Variants in PHKB observed in about 807,000 individuals in gnomAD.
PHKB encodes the protein phosphorylase kinase regulatory subunit beta.
A neutral mutation model predicts 152.1 loss-of-function variants in PHKB; 122 were observed. That is an observed-to-expected ratio of 0.80 (90% CI 0.69 to 0.93). The LOEUF (loss-of-function observed/expected upper bound fraction) is 0.93. PHKB is among the 40% of genes least tolerant of loss of function. The probability of loss-of-function intolerance (pLI) is 0.00; values close to 1 mark genes in which losing one functional copy is unlikely to be tolerated. For synonymous variants in PHKB, 436 were observed against 464.9 expected, an observed-to-expected ratio of 0.94 and a Z score of 0.80; for missense variants, 1,304 against 1,328.4, an observed-to-expected ratio of 0.98 and a Z score of 0.29.
chr16:47,474,504 A>G lies in PHKB; in HGVS notation c.76+13078A>G, dbSNP rs556964702. Among the ~76,000 whole-genome samples, 11 of 152,280 alleles carry G rather than the reference A, an allele frequency of 7.2e-5. 1 individual carries two copies. Among genetic ancestry groups the G allele is most frequent in the African/African-American group, 2.6e-4 (11 of 41,558 alleles). On this transcript the variant is annotated intron_variant, in intron 1 of 30. Transcript: ENST00000323584. ...TTGAAAATATACTCATCAGGTGCTTAACTTGTATTCTTTATTATATTTCTG... is the reference window on the plus strand; with the variant it reads ...TTGAAAATATACTCATCAGGTGCTTGACTTGTATTCTTTATTATATTTCTG...
At chr16:47,684,649 C>T (rs1489942269) in intron 26 of PHKB, among the ~76,000 whole-genome samples, 1 of 152,176 alleles carries the variant, frequency 6.6e-6, no homozygotes, top group African/African-American at 2.4e-5. Context: ...CGCCTGTAGT[C>T]CCAGCTACTC....
chr16:47,664,676 A>C, intron 24 of PHKB: 1 of 572,218 alleles, frequency 1.7e-6, no homozygotes, highest in Non-Finnish European at 3.1e-6. Context: ...GTTCTGGTAA[A>C]CTTTCTTAGC....
intron 14 of PHKB, among the ~76,000 whole-genome samples, chr16:47,615,617 A>G (rs1273609230): frequency 1.3e-5 from 2 of 152,214 alleles, no homozygotes; most frequent in East Asian, 3.9e-4. Context: ...CCAGCCTAGC[A>G]TATGTGTAGT....
In PHKB at chr16:47,535,117, TA is replaced by T. The variant is rs775366450; in HGVS notation, c.595-12311del. On this transcript the variant is annotated intron_variant, in intron 6 of 30. Transcript: ENST00000323584. ...TTACACTAAAGAGTGTGTGAAATCA[TA>T]AAAACCTTAAGCATTTAGCTGTACA... 3.3e-5 allele frequency among the ~76,000 whole-genome samples: 5 copies of T among 152,196 alleles called. No individual in the cohort carries two copies. The South Asian group carries it at 6.2e-4, about 19-fold the overall frequency.
Position 47,461,372 on chromosome 16 carries a change from A to G in PHKB, c.22A>G (p.Thr8Ala), listed in dbSNP as rs748754088. MAGAAGL[T>A]AEVSWKVLER... ...CGCGATGGCGGGGGCGGCGGGACTC[A>G]CGGCAGAAGTGAGCTGGAAGGTCTT... The change falls in exon 1 of 31, where the codon ACG becomes GCG. Residue 8 changes from threonine to alanine, a missense_variant. Coordinates refer to ENST00000323584, the MANE Select transcript of PHKB (RefSeq NM_000293.3). 3.1e-6 allele frequency: 5 copies of G among 1,612,070 alleles called. No individual in the cohort carries two copies. The highest frequency in any genetic ancestry group is 4.2e-6 in the Non-Finnish European group (5 of 1,179,542).
intron 7 of PHKB, among the ~76,000 whole-genome samples, chr16:47,557,294 A>G (rs1398607351): frequency 6.6e-6 from 1 of 152,220 alleles, no homozygotes; most frequent in Non-Finnish European, 1.5e-5. Context: ...AAGAAAACCT[A>G]GGCATTACCA....
chr16:47,699,325 G>A lies in PHKB; in HGVS notation c.3241G>A (p.Glu1081Lys), dbSNP rs772612156. 6.2e-7 allele frequency: 1 copy of A among 1,614,198 alleles called. No homozygotes were observed. Among genetic ancestry groups the A allele is most frequent in the Non-Finnish European group, 8.5e-7 (1 of 1,180,032 alleles). ...GGTGATGAATCTGCTGCTGGAAGGA[G>A]AAGTCAAGCCAAACAATGATGACCC... Reference protein sequence around the residue: ...KAVMNLLLEGEVKPNNDDPCL... With the variant: ...KAVMNLLLEGKVKPNNDDPCL... The change falls in exon 31 of 31, where the codon GAA (glutamate) becomes AAA (lysine). Residue 1081 changes from glutamate to lysine, a missense_variant. Coordinates refer to ENST00000323584, the MANE Select transcript of PHKB (RefSeq NM_000293.3).
At chr16:47,507,732 TTA>T (rs1970445085) in intron 4 of PHKB, among the ~76,000 whole-genome samples, 1 of 152,196 alleles carries the variant, frequency 6.6e-6, no homozygotes, top group Non-Finnish European at 1.5e-5. Flanking sequence ...ATATAGACCA[TTA>T]ATGTAAATAT....
At chr16:47,678,607 T>G (rs2142089609) in intron 26 of PHKB, among the ~76,000 whole-genome samples, 1 of 152,106 alleles carries the variant, frequency 6.6e-6, no homozygotes. Flanking sequence ...GCCCACTTTT[T>G]GATGGGGTTG....
At chr16:47,463,789 T>C (rs1345996583) in intron 1 of PHKB, 6 of 709,310 alleles carry the variant, frequency 8.5e-6, no homozygotes, top group Non-Finnish European at 1.3e-5. Context: ...GATCCTCAGT[T>C]ACTGCCTTTG....
chr16:47,548,004 A>C (rs763248332), intron 7 of PHKB: 1 of 178,064 alleles, frequency 5.6e-6, no homozygotes, highest in African/African-American at 2.4e-5. Flanking sequence ...ATAAAACTTA[A>C]CATTCATTGT....
intron 6 of PHKB, among the ~76,000 whole-genome samples, chr16:47,545,877 C>T (rs561591120): frequency 2.6e-5 from 4 of 152,230 alleles, no homozygotes; most frequent in South Asian, 2.1e-4. Context: ...TCCACTTGAT[C>T]GAATTGGCTA....
At chr16:47,480,571 CA>C (rs1411625443) in intron 1 of PHKB, among the ~76,000 whole-genome samples, 1 of 152,118 alleles carries the variant, frequency 6.6e-6, no homozygotes, top group African/African-American at 2.4e-5. Context: ...AAACTAACTA[CA>C]AAAAACTGAC....
At chr16:47,587,641 G>T in intron 8 of PHKB, 27 bp from the exon 9 acceptor site, 1 of 1,554,632 alleles carries the variant, frequency 6.4e-7, no homozygotes, top group South Asian at 1.1e-5. Flanking sequence ...CTTAATTTAG[G>T]AAATGTTTTT....
chr16:47,635,222 TTGAATC>T (rs1214603329), intron 14 of PHKB, among the ~76,000 whole-genome samples: 13 of 152,188 alleles, frequency 8.5e-5, no homozygotes, highest in Non-Finnish European at 1.5e-4. Flanking sequence ...TTGCGCATGT[TTGAATC>T]TCCATGTTGC....
chr16:47,497,715 A>G (rs966531566), intron 2 of PHKB, among the ~76,000 whole-genome samples: 4 of 152,154 alleles, frequency 2.6e-5, no homozygotes, highest in Non-Finnish European at 4.4e-5. Context: ...ACTGTCACCA[A>G]TATCTTCTGT....
intron 6 of PHKB, among the ~76,000 whole-genome samples, chr16:47,540,919 C>G (rs1274611353): frequency 3.4e-5 from 5 of 148,218 alleles, no homozygotes. Context: ...CCTCTGCCTC[C>G]TGTGTTCAAG....
chr16:47,530,027 T>A (rs546355704), intron 6 of PHKB: 14 of 152,240 alleles, frequency 9.2e-5, no homozygotes, highest in African/African-American at 3.4e-4. Flanking sequence ...GGAATTTTCT[T>A]AATCTAATAA....
intron 6 of PHKB, among the ~76,000 whole-genome samples, chr16:47,540,045 C>T (rs767452198): frequency 1.3e-5 from 2 of 152,058 alleles, no homozygotes; most frequent in Non-Finnish European, 2.9e-5. Flanking sequence ...TATAAACGGA[C>T]GTGCAAGTAG....
Sources: allele counts gnomAD v4.1 joint callset (sites outside exome capture counted in the v4.1 genomes callset), GRCh38; gene constraint gnomAD v4.1.1; transcripts MANE v1.5; gene names NCBI Gene and HGNC (gene_info 2026-07-23, HGNC 2026-07-21).